Variants in KCP observed in about 807,000 individuals in gnomAD.
The protein encoded by KCP is kielin cysteine rich BMP regulator.
A neutral mutation model predicts 212.7 loss-of-function variants in KCP; 194 were observed. That is an observed-to-expected ratio of 0.91 (90% confidence interval 0.81 to 1.03). The LOEUF (loss-of-function observed/expected upper bound fraction) is 1.03, where lower values mean the gene tolerates loss of function less well. Ranked by LOEUF, KCP falls within the 50% of genes least tolerant of loss-of-function variation. KCP has a pLI of 0.00. For synonymous variants in KCP, 833 were observed against 865.3 expected, an observed-to-expected ratio of 0.96 and a Z score of 0.65; for missense variants, 2,080 against 2,162.5, an observed-to-expected ratio of 0.96 and a Z score of 0.76.
At chr7:128,902,383 T>G (rs935954183) in intron 8 of KCP, among the ~76,000 whole-genome samples, 9 of 152,240 alleles carry the variant, frequency 5.9e-5, no homozygotes, top group African/African-American at 2.2e-4. Context: ...GCACATCTCA[T>G]TTTGAACCTG....
chr7:128,890,571 G>T, intron 20 of KCP, 58 bp from the exon 21 acceptor site: 1 of 1,474,006 alleles, frequency 6.8e-7, no homozygotes, highest in Non-Finnish European at 9.1e-7. Context: ...TGGGGACTTG[G>T]TGGTCGTGGG....
chr7:128,878,665 G>C lies in KCP; in HGVS notation c.4204C>G (p.Arg1402Gly), dbSNP rs373545136. The stretch of plus-strand genomic sequence containing the variant: ...AAGTTCCCACAGAGCCCACAAGTCC[G>C]GCCCTGGTAGGAGCCAGGTACGCTC... ...EVSVPGSYQG[R>G]TCGLCGNFNG... Residue 1402 changes from arginine to glycine, a missense_variant, in exon 38 of 40, where the codon CGG becomes GGG. By Grantham distance (125) the Arg-to-Gly change is moderately radical. Coordinates refer to ENST00000610776, the MANE Select transcript of KCP (RefSeq NM_001366122.1). 1.9e-6 allele frequency: 3 copies of C among 1,551,022 alleles called. No homozygotes were observed. The highest frequency in any genetic ancestry group is 2.0e-5 in the Admixed American group (1 of 50,980).
chr7:128,894,716 C>T (rs1794413881), intron 8 of KCP, among the ~76,000 whole-genome samples: 1 of 152,160 alleles, frequency 6.6e-6, no homozygotes, highest in South Asian at 2.1e-4. Context: ...AAGCGATTCT[C>T]CTGCCTCAGC....
intron 27 of KCP, 110 bp downstream of exon 27, chr7:128,884,987 A>G: frequency 6.7e-7 from 1 of 1,500,672 alleles, no homozygotes; most frequent in Non-Finnish European, 9.1e-7. Context: ...ACAAGGACGG[A>G]GGCCACTTCT....
intron 16 of KCP, among the ~76,000 whole-genome samples, chr7:128,892,304 G>A (rs1258618111): frequency 6.6e-6 from 1 of 152,124 alleles, no homozygotes; most frequent in Non-Finnish European, 1.5e-5. Flanking sequence ...TGGGAGGAGA[G>A]GGTGGTGTAG....
In KCP at chr7:128,886,814, A is replaced by G. The variant is rs1464595676; in HGVS notation, c.2689+62T>C. ...CGGCCCAGCCTTAGGCCTGGCAGGA[A>G]GGGAAGGGGGAGGGAGAGGCGGGGA... On this transcript the variant is annotated intron_variant, in intron 24 of 39. Transcript: ENST00000610776. 16 of 1,292,162 alleles carry G rather than the reference A, an allele frequency of 1.2e-5. No individual in the cohort carries two copies. The East Asian group carries it at 4.3e-4, about 35-fold the overall frequency. 80.0% of individuals were successfully genotyped at this position (1,292,162 alleles called of 1,614,324 possible). A position where few individuals can be genotyped will look rare whatever the true frequency, so the allele number is the denominator to read the frequency against.
At chr7:128,902,748 G>A (rs2128949902) in intron 8 of KCP, 29 bp downstream of exon 8, 1 of 1,541,716 alleles carries the variant, frequency 6.5e-7, no homozygotes, top group Non-Finnish European at 8.8e-7. Context: ...CAGGGAGGGG[G>A]ACAGACCAGG....
Position 128,889,012 on chromosome 7 carries a change from A to AG in KCP, c.2362dup (p.Leu788ProfsTer3). 4 of 1,525,872 alleles carry AG rather than the reference A, an allele frequency of 2.6e-6. No individual in the cohort carries two copies. Among genetic ancestry groups the AG allele is most frequent in the Non-Finnish European group, 3.5e-6 (4 of 1,133,106 alleles). 94.5% of individuals were successfully genotyped at this position (1,525,872 alleles called of 1,614,324 possible). A position where few individuals can be genotyped will look rare whatever the true frequency, so the allele number is the denominator to read the frequency against. ...GGGGTCTGGGAACTCCTGGTTACTC[A>AG]GGTAGGACTCCCCCAGGTACTCACA... On this transcript the variant is annotated frameshift_variant, in exon 22 of 40. Coordinates refer to ENST00000610776, the MANE Select transcript of KCP (RefSeq NM_001366122.1). LOFTEE classifies it high-confidence loss of function.
chr7:128,905,458 T>C (rs1795077692), intron 5 of KCP, among the ~76,000 whole-genome samples: 1 of 152,088 alleles, frequency 6.6e-6, no homozygotes, highest in Admixed American at 6.5e-5. Flanking sequence ...TATCCTAGTG[T>C]CCCAAGCTCG....
rs1171157049 is a variant in KCP at position 128,877,276 on chromosome 7, C to A, written c.4654G>T (p.Asp1552Tyr). The A allele has an allele frequency of 3.3e-6, 5 of 1,508,300 alleles. No homozygotes were observed. In the South Asian group the frequency reaches 6.5e-5, roughly 20 times the overall value. 93.4% of individuals were successfully genotyped at this position (1,508,300 alleles called of 1,614,324 possible). A position where few individuals can be genotyped will look rare whatever the true frequency, so the allele number is the denominator to read the frequency against. Residue 1552 changes from aspartate to tyrosine, a missense_variant, in exon 40 of 40, where the codon GAT (aspartate) becomes TAT (tyrosine). Transcript: ENST00000610776. ...GCPLERGFVFDECGPPCPRTC... is the reference protein window; with the variant it reads ...GCPLERGFVFYECGPPCPRTC... ...CGGGGACAGGGTGGGCCGCACTCAT[C>A]AAACACGAAGCCACGCTCCAGGGGG...
At chr7:128,903,858 C>T (rs1298960813) in intron 6 of KCP, 38 bp from the exon 7 acceptor site, 2 of 1,442,630 alleles carry the variant, frequency 1.4e-6, no homozygotes, top group African/African-American at 2.8e-5. Context: ...TCAGGTCTGG[C>T]TCCCGCAGAG....
intron 28 of KCP, 79 bp downstream of exon 28, chr7:128,884,702 A>T: frequency 7.6e-7 from 1 of 1,322,174 alleles, no homozygotes; most frequent in Admixed American, 2.0e-5. Flanking sequence ...TGCAGTGACC[A>T]GCTTGGCTGG....
chr7:128,910,646 G>A lies in KCP; in HGVS notation c.31C>T (p.Leu11Phe). The A allele has an allele frequency of 6.6e-7, 1 of 1,515,770 alleles. No homozygotes were observed. Among genetic ancestry groups the A allele is most frequent in the South Asian group, 1.2e-5 (1 of 81,734 alleles). 93.9% of individuals were successfully genotyped at this position (1,515,770 alleles called of 1,614,324 possible). Residue 11 changes from leucine (L) to phenylalanine (F), a missense_variant, in exon 1 of 40, where the codon CTT (leucine) becomes TTT (phenylalanine). By Grantham distance (22) the Leu-to-Phe change is conservative. Transcript: ENST00000610776. ...GCCAGGGCCCCGAGGTGCAGGAGAAGGGACAGCGCAGCGGCCCCGACCCCG... is the reference window on the plus strand; with the variant it reads ...GCCAGGGCCCCGAGGTGCAGGAGAAAGGACAGCGCAGCGGCCCCGACCCCG... MAGVGAAALS[L>F]LLHLGALALA...
intron 2 of KCP, among the ~76,000 whole-genome samples, chr7:128,908,163 G>A (rs6953610): frequency 2.5e-5 from 2 of 78,884 alleles, no homozygotes; most frequent in African/African-American, 1.8e-4. Flanking sequence ...GAGAGAAAGA[G>A]AGAAGAAGGA....
Position 128,891,052 on chromosome 7 carries a change from CGTGG to C in KCP, c.2013_2016del (p.His672ProfsTer81). On this transcript the variant is annotated frameshift_variant, in exon 20 of 40. Coordinates refer to ENST00000610776, the MANE Select transcript of KCP (RefSeq NM_001366122.1). LOFTEE classifies it high-confidence loss of function. ...GGGGAGAAGTACTCCTGGTGGCGGG[CGTGG>C]GCCGCGCCGGGCCGTGGGCAGCCGG... 1 of 1,392,348 alleles carries C rather than the reference CGTGG, an allele frequency of 7.2e-7. No individual in the cohort carries two copies. The allele number at this position is 1,392,348 out of a possible 1,614,324, so 86.2% of individuals were successfully genotyped here.
chr7:128,893,548 G>A, intron 11 of KCP, 72 bp from the exon 12 acceptor site: 1 of 1,206,000 alleles, frequency 8.3e-7, no homozygotes, highest in Non-Finnish European at 1.2e-6. Context: ...ACCCTGAGGT[G>A]TCCAACCCCC....
intron 34 of KCP, 98 bp from the exon 35 acceptor site, chr7:128,880,183 G>A: frequency 1.5e-6 from 2 of 1,362,708 alleles, no homozygotes; most frequent in Non-Finnish European, 2.0e-6. Flanking sequence ...GAGTCTCCAG[G>A]GATCTCCAGG....
At chr7:128,879,224 G>A in intron 37 of KCP, 2 of 445,288 alleles carry the variant, frequency 4.5e-6, no homozygotes, top group Non-Finnish European at 4.1e-6. Context: ...CCTCCCCACT[G>A]CCACTGACCC....
At position 128,892,981 on chromosome 7, in the gene KCP, C is replaced by T. The variant is rs1794268795; in HGVS notation, c.1308G>A (p.Gln436=). Reference sequence around the variant, plus strand: ...TGCAGGGCCGACCATCAGGCTCCCACTGGACTCCCTCAGCAAACTCCTCTC... The same window carrying T: ...TGCAGGGCCGACCATCAGGCTCCCATTGGACTCCCTCAGCAAACTCCTCTC... ...LDGEEFAEGV[Q]WEPDGRPCTA... The change falls in exon 14 of 40, where the codon CAG becomes CAA. Residue 436 remains glutamine, a synonymous_variant. Coordinates refer to ENST00000610776, the MANE Select transcript of KCP (RefSeq NM_001366122.1). The T allele has an allele frequency of 1.8e-6, 2 of 1,124,890 alleles. No individual in the cohort carries two copies. Among genetic ancestry groups the T allele is most frequent in the Admixed American group, 2.0e-5 (1 of 50,448 alleles). 69.7% of individuals were successfully genotyped at this position (1,124,890 alleles called of 1,614,324 possible). A position where few individuals can be genotyped will look rare whatever the true frequency, so the allele number is the denominator to read the frequency against.
Sources: allele counts gnomAD v4.1 joint callset (sites outside exome capture counted in the v4.1 genomes callset), GRCh38; gene constraint gnomAD v4.1.1; transcripts MANE v1.5; gene names NCBI Gene and HGNC (gene_info 2026-07-23, HGNC 2026-07-21).